Variants in CCDC82 observed in about 807,000 individuals in gnomAD.
CCDC82 encodes the protein coiled-coil domain containing 82.
Under a neutral mutation model 60.6 loss-of-function variants are expected in CCDC82, and 47 were observed. The ratio of observed to expected loss-of-function variants is 0.77; its 90% CI spans 0.61 to 0.99. The LOEUF (loss-of-function observed/expected upper bound fraction) is 0.99. Ranked by LOEUF, CCDC82 falls within the 50% of genes least tolerant of loss-of-function variation. The probability of loss-of-function intolerance (pLI) is 0.00; values close to 1 mark genes in which losing one functional copy is unlikely to be tolerated. For synonymous variants in CCDC82, 212 were observed against 207.4 expected, an observed-to-expected ratio of 1.02 and a Z score of -0.19; for missense variants, 588 against 633.0, an observed-to-expected ratio of 0.93 and a Z score of 0.76.
intron 5 of CCDC82, among the ~76,000 whole-genome samples, chr11:96,379,555 T>C (rs1013621393): frequency 2.0e-5 from 3 of 151,870 alleles, no homozygotes; most frequent in African/African-American, 7.2e-5. Context: ...GTTTTGTTTT[T>C]GTTTTTTGGA....
At chr11:96,369,539 G>A (rs1264216471) in intron 7 of CCDC82, among the ~76,000 whole-genome samples, 1 of 152,164 alleles carries the variant, frequency 6.6e-6, no homozygotes, top group African/African-American at 2.4e-5. Context: ...TGGGAAAACA[G>A]CCAGTTGGTG....
intron 5 of CCDC82, among the ~76,000 whole-genome samples, chr11:96,377,367 C>CACACACACACACACAT (rs1565316401): frequency 6.6e-6 from 1 of 151,450 alleles, no homozygotes; most frequent in African/African-American, 2.4e-5. Flanking sequence ...TACACACACA[C>CACACACACACACACAT]ACACACACAC....
chr11:96,356,749 G>A (rs1357017653), intron 9 of CCDC82: 7 of 981,026 alleles, frequency 7.1e-6, no homozygotes, highest in African/African-American at 1.8e-5. Context: ...CATTAAAAAC[G>A]GATCACCCTA....
At chr11:96,379,550 G>A (rs1179254351) in intron 5 of CCDC82, among the ~76,000 whole-genome samples, 1 of 151,704 alleles carries the variant, frequency 6.6e-6, no homozygotes, top group African/African-American at 2.4e-5. Flanking sequence ...TTTAGGTTTT[G>A]TTTTTGTTTT....
At chr11:96,359,642 T>TAA (rs139619843) in intron 8 of CCDC82, among the ~76,000 whole-genome samples, 136 of 81,238 alleles carry the variant, frequency 1.7e-3, no homozygotes, top group Middle Eastern at 9.4e-3. Flanking sequence ...ATGGGCAAAG[T>TAA]AAAAAAAAAA....
rs1200837600 is a variant in CCDC82 at position 96,383,437 on chromosome 11, C to T, written c.823G>A (p.Val275Ile). Reference protein sequence around the residue: ...EKESCPSSDEVDEEEEEDNYE... With the variant: ...EKESCPSSDEIDEEEEEDNYE... ...TTATCCTCTTCTTCCTCCTCATCAACTTCATCACTGCTTGGGCAAGATTCC... is the reference window on the plus strand; with the variant it reads ...TTATCCTCTTCTTCCTCCTCATCAATTTCATCACTGCTTGGGCAAGATTCC... The change falls in exon 5 of 10, where the codon GTT (valine) becomes ATT (isoleucine). Residue 275 changes from valine (V) to isoleucine (I), a missense_variant. Coordinates refer to ENST00000646818, the MANE Select transcript of CCDC82 (RefSeq NM_024725.4). 3 of 1,605,600 alleles carry T rather than the reference C, an allele frequency of 1.9e-6. No homozygotes were observed. The highest frequency in any genetic ancestry group is 1.7e-6 in the Non-Finnish European group (2 of 1,175,968).
intron 9 of CCDC82, chr11:96,357,358 C>T (rs968677305): frequency 1.0e-6 from 1 of 985,196 alleles, no homozygotes; most frequent in South Asian, 4.7e-5. Context: ...TAGACATGCA[C>T]AATCTTGAAA....
Position 96,384,537 on chromosome 11 carries a change from T to G in CCDC82, c.211A>C (p.Lys71Gln). 1.2e-6 allele frequency: 2 copies of G among 1,613,706 alleles called. No homozygotes were observed. Among genetic ancestry groups the G allele is most frequent in the Non-Finnish European group, 8.5e-7 (1 of 1,179,758 alleles). ...GGTGTTTTATTACAATCAGGTCCCT[T>G]GTTACTATCAAGCTCTTCATCATTT... ...FENDEELDSN[K>Q]GPDCNKTPGS... Residue 71 changes from lysine (K) to glutamine (Q), a missense_variant, in exon 4 of 10, where the codon AAG (lysine) becomes CAG (glutamine). Lys to Gln is a moderately conservative substitution (Grantham distance 53). Coordinates refer to ENST00000646818, the MANE Select transcript of CCDC82 (RefSeq NM_024725.4).
Position 96,384,315 on chromosome 11 carries a change from T to A in CCDC82, c.433A>T (p.Ile145Leu), listed in dbSNP as rs766660190. 1.2e-6 allele frequency: 2 copies of A among 1,613,730 alleles called. No homozygotes were observed. The highest frequency in any genetic ancestry group is 1.7e-6 in the Non-Finnish European group (2 of 1,179,752). Residue 145 changes from isoleucine to leucine, a missense_variant, in exon 4 of 10, where the codon ATA becomes TTA. Ile to Leu is a conservative substitution (Grantham distance 5). Coordinates refer to ENST00000646818, the MANE Select transcript of CCDC82 (RefSeq NM_024725.4). ...NDLNKQTGQI[I>L]EDDQEKHLSQ... ...AAATGTTTTTCCTGATCATCCTCTATTATTTGTCCAGTTTGTTTGTTGAGA... is the reference window on the plus strand; with the variant it reads ...AAATGTTTTTCCTGATCATCCTCTAATATTTGTCCAGTTTGTTTGTTGAGA...
intron 9 of CCDC82, chr11:96,356,396 C>T: frequency 1.0e-6 from 1 of 958,740 alleles, no homozygotes; most frequent in South Asian, 4.8e-5. Context: ...ATACAACTGT[C>T]ACTTGTAACA....
chr11:96,374,782 T>C (rs979681365), intron 5 of CCDC82, among the ~76,000 whole-genome samples: 3 of 152,096 alleles, frequency 2.0e-5, no homozygotes, highest in Admixed American at 6.6e-5. Context: ...CCTCAAAAAA[T>C]TAATATTGTT....
At chr11:96,382,635 T>C (rs1446359568) in intron 5 of CCDC82, 2 of 151,918 alleles carry the variant, frequency 1.3e-5, no homozygotes, top group Non-Finnish European at 2.9e-5. Context: ...TTATATGGTT[T>C]TGAATTCCAT....
At chr11:96,359,250 T>C (rs570963863) in intron 8 of CCDC82, 72 bp from the exon 9 acceptor site, 2 of 1,236,382 alleles carry the variant, frequency 1.6e-6, no homozygotes, top group East Asian at 2.7e-5. Flanking sequence ...TTTTCTTTAG[T>C]AGTAGAATCA....
At chr11:96,356,302 C>T (rs1591156041) in intron 9 of CCDC82, 3 of 391,998 alleles carry the variant, frequency 7.7e-6, no homozygotes, top group African/African-American at 2.2e-5. Context: ...AGAAGAGAAG[C>T]GTTTAAGGAA....
chr11:96,380,360 G>T (rs966199533), intron 5 of CCDC82, among the ~76,000 whole-genome samples: 1 of 151,712 alleles, frequency 6.6e-6, no homozygotes, highest in African/African-American at 2.4e-5. Flanking sequence ...TAATAGAGCC[G>T]AATGAGAAGC....
intron 3 of CCDC82, 128 bp downstream of exon 3, chr11:96,386,125 AG>A (rs1319715633): frequency 6.6e-6 from 1 of 152,244 alleles, no homozygotes; most frequent in Admixed American, 6.5e-5. Flanking sequence ...AGCAGCTTGC[AG>A]AAATGAAATC....
chr11:96,359,584 C>A (rs1864524772), intron 8 of CCDC82, among the ~76,000 whole-genome samples: 1 of 78,990 alleles, frequency 1.3e-5, no homozygotes, highest in South Asian at 3.8e-4. Context: ...CAAGAGTTTG[C>A]CAAGTTCGGG....
intron 6 of CCDC82, among the ~76,000 whole-genome samples, chr11:96,371,833 C>T (rs928730027): frequency 3.3e-5 from 5 of 152,162 alleles, no homozygotes; most frequent in Non-Finnish European, 7.4e-5. Context: ...TAGGCGTTTT[C>T]CTCATTCTTC....
intron 3 of CCDC82, 176 bp from the exon 4 acceptor site, chr11:96,384,937 C>G (rs1866107311): frequency 2.0e-6 from 1 of 497,406 alleles, no homozygotes; most frequent in East Asian, 3.2e-5. Context: ...TTACTGAATG[C>G]CCATGAAATA....
Sources: gnomAD v4.1 joint callset for allele counts (sites outside exome capture counted in the v4.1 genomes callset) on GRCh38, gnomAD v4.1.1 for gene constraint, MANE v1.5 for transcripts, NCBI Gene and HGNC (gene_info 2026-07-23, HGNC 2026-07-21) for gene names.